CEP152: variants seen among roughly 807,000 people sequenced by gnomAD.
CEP152 encodes centrosomal protein of 152 kDa.
In CEP152, 132 loss-of-function variants were observed where a neutral mutation model predicts 188.9. That is an observed-to-expected ratio of 0.70 (90% CI 0.61 to 0.81). The LOEUF (loss-of-function observed/expected upper bound fraction) is 0.81. Among genes scored for constraint, CEP152 ranks in the 30% least tolerant of loss-of-function variants. The pLI is 0.00. For missense variants in CEP152, 1,914 were observed against 1,969.8 expected, an observed-to-expected ratio of 0.97 and a Z score of 0.54; for synonymous variants, 649 against 666.6, an observed-to-expected ratio of 0.97 and a Z score of 0.41.
At chr15:48,731,374 T>C (rs917774922) in intron 2 of CEP152, among the ~76,000 whole-genome samples, 5 of 152,144 alleles carry the variant, frequency 3.3e-5, no homozygotes, top group Non-Finnish European at 5.9e-5. Flanking sequence ...ACAGGGAATA[T>C]TGTATTATAG....
chr15:48,760,216 T>C lies in CEP152; in HGVS notation c.2613A>G (p.Pro871=), dbSNP rs1392805237. Residue 871 remains proline (P), a synonymous_variant, in exon 19 of 27, where the codon CCA becomes CCG. Coordinates refer to ENST00000380950, the MANE Select transcript of CEP152 (RefSeq NM_001194998.2). ...NAHQRWLGEL[P]ELAEYQALVK... ...CAAGTGCTTGATACTCTGCCAGCTCTGGTAGTTCTCCCAGCCATCGCTGAT... is the reference window on the plus strand; with the variant it reads ...CAAGTGCTTGATACTCTGCCAGCTCCGGTAGTTCTCCCAGCCATCGCTGAT... 6.2e-7 allele frequency: 1 copy of C among 1,614,106 alleles called. No individual in the cohort carries two copies. Among genetic ancestry groups the C allele is most frequent in the Non-Finnish European group, 8.5e-7 (1 of 1,179,958 alleles).
chr15:48,769,111 A>C (rs74012146), intron 13 of CEP152, 30 bp from the exon 14 acceptor site: 2 of 1,567,260 alleles, frequency 1.3e-6, no homozygotes, highest in African/African-American at 1.4e-5. Context: ...AAGTTTTACA[A>C]GTTTTAAAAA....
intron 26 of CEP152, chr15:48,741,296 A>G: frequency 8.4e-7 from 1 of 1,189,896 alleles, no homozygotes. Context: ...TGCCTGGCCC[A>G]CTGCAACTTT....
At chr15:48,786,766 G>A (rs934767133) in intron 9 of CEP152, among the ~76,000 whole-genome samples, 5 of 152,166 alleles carry the variant, frequency 3.3e-5, no homozygotes, top group South Asian at 2.1e-4. Flanking sequence ...TATGGATTCC[G>A]GGGTCTGAAA....
rs1329507235 is a variant in CEP152, at chr15:48,738,154, CA to C, written c.*94del. 1 of 1,287,960 alleles carries C rather than the reference CA, an allele frequency of 7.8e-7. No individual in the cohort carries two copies. Among genetic ancestry groups the C allele is most frequent in the African/African-American group, 1.5e-5 (1 of 66,560 alleles). 79.8% of individuals were successfully genotyped at this position (1,287,960 alleles called of 1,614,324 possible). On this transcript the variant is annotated 3_prime_UTR_variant, in exon 27 of 27. Transcript: ENST00000380950. ...TATAACAGATGTTATTAAAACATCT[CA>C]AAAGAGGCAGGGCTCACAATTTTTT...
At chr15:48,781,453 G>A in intron 11 of CEP152, 94 bp from the exon 12 acceptor site, 2 of 999,780 alleles carry the variant, frequency 2.0e-6, no homozygotes, top group African/African-American at 1.6e-5. Context: ...TGATCAACAG[G>A]AGGCAAAAAA....
intron 13 of CEP152, among the ~76,000 whole-genome samples, chr15:48,771,396 G>A (rs1895524881): frequency 6.6e-6 from 1 of 152,154 alleles, no homozygotes; most frequent in African/African-American, 2.4e-5. Flanking sequence ...TATAATATCT[G>A]TACCATCATC....
At chr15:48,791,511 G>A in intron 7 of CEP152, 135 bp from the exon 8 acceptor site, 1 of 801,712 alleles carries the variant, frequency 1.2e-6, no homozygotes, top group Admixed American at 2.5e-5. Context: ...ATGAACTTTA[G>A]TTGATTTAGA....
At chr15:48,743,240 G>C (rs774919190) in intron 24 of CEP152, among the ~76,000 whole-genome samples, 1 of 152,166 alleles carries the variant, frequency 6.6e-6, no homozygotes. Flanking sequence ...ACATCTACAC[G>C]TGATTCTGAA....
At position 48,739,093 on chromosome 15, in the gene CEP152, C is replaced by T. The variant is rs199968691; in HGVS notation, c.4289G>A (p.Ser1430Asn). 1.9e-6 allele frequency: 3 copies of T among 1,614,190 alleles called. No homozygotes were observed. Among genetic ancestry groups the T allele is most frequent in the Non-Finnish European group, 2.5e-6 (3 of 1,180,014 alleles). ...CTCTTTGGATCCCACATGCTTTATGCTCTGATGCTCTGAGTTCTCTAACAG... is the reference window on the plus strand; with the variant it reads ...CTCTTTGGATCCCACATGCTTTATGTTCTGATGCTCTGAGTTCTCTAACAG... ...QRLLENSEHQ[S>N]IKHVGSKETH... The change falls in exon 27 of 27, where the codon AGC becomes AAC. Residue 1430 changes from serine (S) to asparagine (N), a missense_variant. Ser to Asn is a conservative substitution (Grantham distance 46, BLOSUM62 1). Coordinates refer to ENST00000380950, the MANE Select transcript of CEP152 (RefSeq NM_001194998.2).
chr15:48,767,359 T>C lies in CEP152; in HGVS notation c.2123A>G (p.Tyr708Cys). 6.2e-7 allele frequency: 1 copy of C among 1,614,214 alleles called. No individual in the cohort carries two copies. The highest frequency in any genetic ancestry group is 8.5e-7 in the Non-Finnish European group (1 of 1,180,020). Residue 708 changes from tyrosine (Y) to cysteine (C), a missense_variant, in exon 16 of 27, where the codon TAT becomes TGT. Physicochemically the swap from Tyr to Cys is radical, Grantham distance 194. Coordinates refer to ENST00000380950, the MANE Select transcript of CEP152 (RefSeq NM_001194998.2). ...CCTCAGTTGCAAATGAGTTCTCTCA[T>C]AAGCCTCAAAGAGCTGCTGCTTCTC... ...ALEKQQLFEA[Y>C]ERTHLQLRSE...
chr15:48,755,201 G>T (rs1894168891), intron 20 of CEP152, among the ~76,000 whole-genome samples: 1 of 152,028 alleles, frequency 6.6e-6, no homozygotes, highest in Non-Finnish European at 1.5e-5. Flanking sequence ...ATAACTAAAA[G>T]AATATAATTA....
downstream of CEP152, among the ~76,000 whole-genome samples, chr15:48,734,594 A>G (rs1348236101): frequency 6.6e-6 from 1 of 151,878 alleles, no homozygotes; most frequent in African/African-American, 2.4e-5. Flanking sequence ...TGATAAAAAA[A>G]AAAAAAGCAA....
chr15:48,748,338 C>A, intron 22 of CEP152, 105 bp downstream of exon 22: 1 of 1,304,996 alleles, frequency 7.7e-7, no homozygotes, highest in Non-Finnish European at 9.7e-7. Context: ...TTATATTAAT[C>A]CCAAAAGAGG....
chr15:48,807,132 C>T (rs546781554), intron 1 of CEP152, among the ~76,000 whole-genome samples: 2 of 152,306 alleles, frequency 1.3e-5, no homozygotes, highest in South Asian at 4.1e-4. Context: ...TAAAACCCTC[C>T]AGCCTCTGCT....
At chr15:48,765,601 A>AC in intron 17 of CEP152, 1 of 410,688 alleles carries the variant, frequency 2.4e-6, no homozygotes, top group Non-Finnish European at 4.6e-6. Context: ...TCCTGGAATG[A>AC]CCTCTTTGAG....
chr15:48,731,384 G>A (rs1244261509), intron 2 of CEP152, among the ~76,000 whole-genome samples: 1 of 152,114 alleles, frequency 6.6e-6, no homozygotes, highest in African/African-American at 2.4e-5. Flanking sequence ...TTGTATTATA[G>A]TTGCTATTTT....
chr15:48,787,765 A>C lies in CEP152; in HGVS notation c.1173+1036T>G, dbSNP rs1228413180. Among the ~76,000 whole-genome samples the C allele has an allele frequency of 3.3e-5, 5 of 152,104 alleles. 1 individual carries two copies. The highest frequency in any genetic ancestry group is 1.3e-4 in the Admixed American group (2 of 15,274). On this transcript the variant is annotated intron_variant, in intron 9 of 26. Transcript: ENST00000380950. ...TGATTTTTCTTCTCTCCTTCCCTTA[A>C]GTTAAATCAATTTTGAAATTACATT...
At chr15:48,804,449 C>T (rs1897855885) in intron 2 of CEP152, among the ~76,000 whole-genome samples, 1 of 152,198 alleles carries the variant, frequency 6.6e-6, no homozygotes, top group Non-Finnish European at 1.5e-5. Flanking sequence ...TTAAAAAAGA[C>T]TTTTTTACAT....
Sources: gnomAD v4.1 joint callset for allele counts (sites outside exome capture counted in the v4.1 genomes callset) on GRCh38, gnomAD v4.1.1 for gene constraint, MANE v1.5 for transcripts, NCBI Gene and HGNC (gene_info 2026-07-23, HGNC 2026-07-21) for gene names.